The following FBXL7 variants were observed in gnomAD, a reference collection of about 807,000 sequenced individuals.
FBXL7 encodes F-box and leucine rich repeat protein 7.
FBXL7 carries 12 observed loss-of-function variants against 38.3 expected under a neutral mutation model. The observed-to-expected ratio is 0.31, with a 90% confidence interval of 0.20 to 0.51. The LOEUF is 0.51. Ranked by LOEUF, FBXL7 falls within the 20% of genes least tolerant of loss-of-function variation. The probability of loss-of-function intolerance (pLI) is 0.98; values close to 1 mark genes in which losing one functional copy is unlikely to be tolerated. For missense variants in FBXL7, 567 were observed against 676.4 expected, an observed-to-expected ratio of 0.84 and a Z score of 1.79; for synonymous variants, 297 against 300.9, an observed-to-expected ratio of 0.99 and a Z score of 0.13.
intron 2 of FBXL7, among the ~76,000 whole-genome samples, chr5:15,641,379 CT>C (rs1741364363): frequency 6.6e-6 from 1 of 152,326 alleles, no homozygotes; most frequent in Non-Finnish European, 1.5e-5. Flanking sequence ...TTCTCTTCCC[CT>C]GGTATGAACA....
At chr5:15,546,575 A>C (rs1384480482) in intron 1 of FBXL7, among the ~76,000 whole-genome samples, 1 of 151,898 alleles carries the variant, frequency 6.6e-6, no homozygotes, top group African/African-American at 2.4e-5. Context: ...TCCAAAAAAA[A>C]CAAAAATTAG....
chr5:15,737,064 C>T (rs1009560609), intron 2 of FBXL7, among the ~76,000 whole-genome samples: 2 of 152,172 alleles, frequency 1.3e-5, no homozygotes, highest in Non-Finnish European at 2.9e-5. Context: ...CAGTTACTTG[C>T]CCAGAGTCAC....
chr5:15,746,817 A>C (rs1000792993), intron 2 of FBXL7, among the ~76,000 whole-genome samples: 3 of 152,194 alleles, frequency 2.0e-5, no homozygotes, highest in Non-Finnish European at 2.9e-5. Context: ...AAATACAATA[A>C]AAATAAATCT....
At chr5:15,567,771 G>A (rs1249662563) in intron 1 of FBXL7, among the ~76,000 whole-genome samples, 1 of 150,806 alleles carries the variant, frequency 6.6e-6, no homozygotes, top group Non-Finnish European at 1.5e-5. Context: ...AACAGGCCCT[G>A]GTGTGTGATG....
intron 2 of FBXL7, among the ~76,000 whole-genome samples, chr5:15,775,716 A>G (rs1348414411): frequency 6.6e-6 from 1 of 152,184 alleles, no homozygotes; most frequent in East Asian, 1.9e-4. Flanking sequence ...AGAATGGAAT[A>G]TGGGCCAGGA....
intron 2 of FBXL7, among the ~76,000 whole-genome samples, chr5:15,783,022 T>C (rs148511659): frequency 6.6e-6 from 1 of 152,188 alleles, no homozygotes; most frequent in Non-Finnish European, 1.5e-5. Context: ...AACTGGCCAA[T>C]GTGCAAGCAG....
Position 15,807,940 on chromosome 5 carries a change from G to A in FBXL7, c.128-119950G>A, listed in dbSNP as rs532763247. On this transcript the variant is annotated intron_variant, in intron 2 of 3. Coordinates refer to ENST00000504595, the MANE Select transcript of FBXL7 (RefSeq NM_012304.5). ...CAGGTTGTCCTGAGCTGAAAATCAT[G>A]CGGCTTTTCTGAGATGGTAAAGTGA... Among the ~76,000 whole-genome samples the A allele has an allele frequency of 4.7e-4, 72 of 152,234 alleles. 1 individual carries two copies. The highest frequency in any genetic ancestry group is 1.5e-3 in the South Asian group (7 of 4,822).
chr5:15,698,639 TTC>T (rs1216501131), intron 2 of FBXL7, among the ~76,000 whole-genome samples: 3 of 152,244 alleles, frequency 2.0e-5, no homozygotes, highest in African/African-American at 7.2e-5. Flanking sequence ...TGTCTGTCTT[TTC>T]TCTGTTTCTT....
intron 1 of FBXL7, among the ~76,000 whole-genome samples, chr5:15,582,028 C>T (rs76746605): frequency 6.6e-6 from 1 of 152,158 alleles, no homozygotes; most frequent in Admixed American, 6.5e-5. Flanking sequence ...ACCTCCATCT[C>T]CCAGGTTCAG....
At chr5:15,860,561 C>A (rs1050447945) in intron 2 of FBXL7, among the ~76,000 whole-genome samples, 1 of 152,152 alleles carries the variant, frequency 6.6e-6, no homozygotes, top group Non-Finnish European at 1.5e-5. Context: ...TAAGCTTATG[C>A]AAATTCAGGT....
chr5:15,795,689 G>T (rs1316592898), intron 2 of FBXL7, among the ~76,000 whole-genome samples: 1 of 152,156 alleles, frequency 6.6e-6, no homozygotes, highest in Non-Finnish European at 1.5e-5. Context: ...TTTTCAGGAA[G>T]CAAGTATGGA....
chr5:15,731,986 G>A, intron 2 of FBXL7, among the ~76,000 whole-genome samples: 1 of 152,098 alleles, frequency 6.6e-6, no homozygotes, highest in East Asian at 1.9e-4. Context: ...GTATCCAAAT[G>A]CAGTGAAAAA....
chr5:15,715,362 G>A (rs1391522581), intron 2 of FBXL7, among the ~76,000 whole-genome samples: 4 of 151,912 alleles, frequency 2.6e-5, no homozygotes, highest in Non-Finnish European at 5.9e-5. Flanking sequence ...GTGATGGCAC[G>A]TGCCTGTAAT....
At chr5:15,832,204 C>T (rs1024174381) in intron 2 of FBXL7, among the ~76,000 whole-genome samples, 1 of 152,162 alleles carries the variant, frequency 6.6e-6, no homozygotes, top group Non-Finnish European at 1.5e-5. Flanking sequence ...CACCCTTTCC[C>T]TGAGGGCAGT....
At chr5:15,623,364 C>A (rs1740713520) in intron 2 of FBXL7, among the ~76,000 whole-genome samples, 2 of 152,180 alleles carry the variant, frequency 1.3e-5, no homozygotes, top group Non-Finnish European at 2.9e-5. Flanking sequence ...TCAGTTAATA[C>A]CGCTTTGCGA....
At chr5:15,711,225 C>A (rs1483950843) in intron 2 of FBXL7, among the ~76,000 whole-genome samples, 1 of 152,146 alleles carries the variant, frequency 6.6e-6, no homozygotes, top group African/African-American at 2.4e-5. Context: ...ACTTATAACA[C>A]AGGGAGAATT....
In FBXL7 at chr5:15,928,331, C is replaced by T. The variant is rs1033205922; in HGVS notation, c.569C>T (p.Thr190Ile). 6.2e-7 allele frequency: 1 copy of T among 1,613,864 alleles called. No homozygotes were observed. The highest frequency in any genetic ancestry group is 8.5e-7 in the Non-Finnish European group (1 of 1,179,872). Residue 190 changes from threonine to isoleucine, a missense_variant, in exon 3 of 4, where the codon ACC becomes ATC. Physicochemically the swap from Thr to Ile is moderately conservative, Grantham distance 89. Coordinates refer to ENST00000504595, the MANE Select transcript of FBXL7 (RefSeq NM_012304.5). The surrounding 1 kb of genome is among the most constrained non-coding windows in gnomAD (Gnocchi z 4.0). ...DTPNVCLMLE[T>I]VTVSGCRRLT... is the part of the protein sequence containing the mutation. The stretch of plus-strand genomic sequence containing the variant: ...CCCAACGTGTGTCTCATGCTGGAAA[C>T]CGTAACTGTCAGTGGCTGCAGGCGG...
At chr5:15,667,877 G>T (rs546783115) in intron 2 of FBXL7, among the ~76,000 whole-genome samples, 68 of 152,130 alleles carry the variant, frequency 4.5e-4, no homozygotes, top group African/African-American at 1.5e-3. Context: ...CTTCAACTTG[G>T]ATTCATATCT....
At chr5:15,518,506 T>C (rs923295268) in intron 1 of FBXL7, among the ~76,000 whole-genome samples, 4 of 152,118 alleles carry the variant, frequency 2.6e-5, no homozygotes, top group Non-Finnish European at 5.9e-5. Context: ...AACGTTTGAA[T>C]TGTGGCTGGG....
Sources: gnomAD v4.1 joint callset for allele counts (sites outside exome capture counted in the v4.1 genomes callset) on GRCh38, gnomAD v4.1.1 for gene constraint, Gnocchi (gnomAD v3.1) non-coding constraint, MANE v1.5 for transcripts, NCBI Gene and HGNC (gene_info 2026-07-23, HGNC 2026-07-21) for gene names.